ARHGAP15: variants seen among roughly 807,000 people sequenced by gnomAD.
ARHGAP15 encodes the protein Rho GTPase activating protein 15.
A neutral mutation model predicts 63.7 loss-of-function variants in ARHGAP15; 51 were observed. The ratio of observed to expected loss-of-function variants is 0.80; its 90% confidence interval spans 0.64 to 1.01. The LOEUF (loss-of-function observed/expected upper bound fraction) is 1.01. ARHGAP15 is among the 50% of genes least tolerant of loss of function. The pLI is 0.00. For missense variants in ARHGAP15, 560 were observed against 564.6 expected (o/e 0.99, Z 0.08); for synonymous variants, 191 against 193.8 (o/e 0.99, Z 0.12).
intron 5 of ARHGAP15, chr2:143,237,986 C>G (rs1360828587): frequency 6.6e-6 from 1 of 151,990 alleles, no homozygotes; most frequent in Non-Finnish European, 1.5e-5. Context: ...AGTCTTTAAT[C>G]CATCTTGAGT....
chr2:143,530,536 CA>C (rs1694478364), intron 10 of ARHGAP15, among the ~76,000 whole-genome samples: 2 of 152,232 alleles, frequency 1.3e-5, no homozygotes, highest in South Asian at 4.1e-4. Flanking sequence ...CTTTCTGGTT[CA>C]AAATATTATG....
chr2:143,527,196 A>G (rs764860615), intron 10 of ARHGAP15, among the ~76,000 whole-genome samples: 5 of 152,092 alleles, frequency 3.3e-5, no homozygotes, highest in East Asian at 1.9e-4. Context: ...CTACACATAT[A>G]TGGTAAAAGA....
intron 6 of ARHGAP15, among the ~76,000 whole-genome samples, chr2:143,416,770 G>C (rs1688695874): frequency 6.6e-6 from 1 of 151,634 alleles, no homozygotes; most frequent in African/African-American, 2.4e-5. Context: ...CTTAGTCCTA[G>C]GCATAGACCC....
intron 8 of ARHGAP15, among the ~76,000 whole-genome samples, chr2:143,469,912 G>A (rs1438969072): frequency 6.6e-6 from 1 of 151,962 alleles, no homozygotes; most frequent in African/African-American, 2.4e-5. Context: ...CCACATGCTG[G>A]ACTACCCTTT....
intron 13 of ARHGAP15, among the ~76,000 whole-genome samples, chr2:143,721,056 C>A (rs1317686233): frequency 9.5e-5 from 2 of 20,988 alleles, no homozygotes. Context: ...AGCAAGACTC[C>A]GTCTCAAAAA....
intron 10 of ARHGAP15, among the ~76,000 whole-genome samples, chr2:143,547,124 C>G (rs1451438769): frequency 4.6e-5 from 7 of 152,146 alleles, no homozygotes; most frequent in Admixed American, 2.0e-4. Flanking sequence ...GATCCTAAGG[C>G]TGGCATATAT....
At chr2:143,304,456 GGGTGGGGGAA>G (rs1683073968) in intron 6 of ARHGAP15, among the ~76,000 whole-genome samples, 1 of 152,064 alleles carries the variant, frequency 6.6e-6, no homozygotes, top group Non-Finnish European at 1.5e-5. Context: ...GCCTGTTGTG[GGGTGGGGGAA>G]GAGGGGAGGG....
At position 143,171,363 on chromosome 2, in the gene ARHGAP15, G is replaced by A. The variant is rs374848226; in HGVS notation, c.165+15708G>A. On this transcript the variant is annotated intron_variant, in intron 2 of 13. Transcript: ENST00000295095. ...CAGAATTCTGTTGCTCTTCGTCTTT[G>A]CTCCTCTTTCTATATCCATTTAGAG... is the stretch of plus-strand genomic sequence containing the variant. 9.2e-5 allele frequency among the ~76,000 whole-genome samples: 14 copies of A among 152,064 alleles called. No individual in the cohort carries two copies. In the East Asian group the frequency reaches 2.3e-3, roughly 25 times the overall value.
chr2:143,587,997 A>T (rs1355427447), intron 11 of ARHGAP15, among the ~76,000 whole-genome samples: 1 of 152,210 alleles, frequency 6.6e-6, no homozygotes, highest in East Asian at 1.9e-4. Flanking sequence ...TTTCTGCTCA[A>T]GGATAATCAT....
chr2:143,705,565 C>A (rs1372811792), intron 13 of ARHGAP15, among the ~76,000 whole-genome samples: 1 of 152,126 alleles, frequency 6.6e-6, no homozygotes, highest in Non-Finnish European at 1.5e-5. Flanking sequence ...CCAGACACAC[C>A]ATGAAAGCGG....
chr2:143,569,803 T>A (rs2105117262), intron 11 of ARHGAP15, among the ~76,000 whole-genome samples: 1 of 152,314 alleles, frequency 6.6e-6, no homozygotes, highest in East Asian at 1.9e-4. Context: ...AGAAGGTTGT[T>A]ACAGTAGCAC....
chr2:143,550,362 G>A (rs778577393), intron 10 of ARHGAP15, among the ~76,000 whole-genome samples: 9 of 152,198 alleles, frequency 5.9e-5, no homozygotes, highest in South Asian at 2.1e-4. Context: ...AAAAATTACC[G>A]ATCACATACT....
chr2:143,490,940 T>C (rs914661524), intron 9 of ARHGAP15, among the ~76,000 whole-genome samples: 2 of 152,240 alleles, frequency 1.3e-5, no homozygotes, highest in Non-Finnish European at 2.9e-5. Flanking sequence ...TATTTTCTAA[T>C]TTCTTTAATA....
intron 11 of ARHGAP15, among the ~76,000 whole-genome samples, chr2:143,565,832 G>A (rs566593845): frequency 4.6e-5 from 7 of 152,294 alleles, no homozygotes; most frequent in Non-Finnish European, 7.4e-5. Context: ...TGGATAAATA[G>A]CAATGAAGTC....
Position 143,546,279 on chromosome 2 carries a change from G to A in ARHGAP15, c.926-10129G>A, listed in dbSNP as rs546977739. Among the ~76,000 whole-genome samples the A allele has an allele frequency of 4.6e-5, 7 of 152,178 alleles. No homozygotes were observed. In the South Asian group the frequency reaches 1.5e-3, roughly 32 times the overall value. On this transcript the variant is annotated intron_variant, in intron 10 of 13. Coordinates refer to ENST00000295095, the MANE Select transcript of ARHGAP15 (RefSeq NM_018460.4). ...GGGTGGAGGGATTGAAAAGAATGATGGCAAATATATGAATTTTAAATCAGT... is the reference window on the plus strand; with the variant it reads ...GGGTGGAGGGATTGAAAAGAATGATAGCAAATATATGAATTTTAAATCAGT...
At chr2:143,330,439 C>T (rs1033645147) in intron 6 of ARHGAP15, among the ~76,000 whole-genome samples, 2 of 151,892 alleles carry the variant, frequency 1.3e-5, no homozygotes, top group Non-Finnish European at 2.9e-5. Context: ...ATAAAATACC[C>T]ATAGTAATTT....
intron 11 of ARHGAP15, among the ~76,000 whole-genome samples, chr2:143,582,066 C>T (rs551628564): frequency 1.3e-5 from 2 of 152,108 alleles, no homozygotes; most frequent in African/African-American, 2.4e-5. Flanking sequence ...TAATATTAGA[C>T]GTGATATAAG....
chr2:143,222,394 C>T (rs1693037154), intron 4 of ARHGAP15, among the ~76,000 whole-genome samples: 1 of 152,184 alleles, frequency 6.6e-6, no homozygotes, highest in Non-Finnish European at 1.5e-5. Flanking sequence ...ATATTTTCTT[C>T]TGACTTTTTG....
At chr2:143,620,222 A>C (rs1336621144) in intron 11 of ARHGAP15, among the ~76,000 whole-genome samples, 1 of 152,202 alleles carries the variant, frequency 6.6e-6, no homozygotes, top group Non-Finnish European at 1.5e-5. Flanking sequence ...AAATAAATAA[A>C]TAGATATACA....
Sources: gnomAD v4.1 joint callset for allele counts (sites outside exome capture counted in the v4.1 genomes callset) on GRCh38, gnomAD v4.1.1 for gene constraint, MANE v1.5 for transcripts, NCBI Gene and HGNC (gene_info 2026-07-23, HGNC 2026-07-21) for gene names.